Variants in PMS1 observed in about 807,000 individuals in gnomAD.
PMS1 encodes the protein PMS1 homolog 1, mismatch repair system component.
A neutral mutation model predicts 93.1 loss-of-function variants in PMS1; 79 were observed. The ratio of observed to expected loss-of-function variants is 0.85; its 90% CI spans 0.71 to 1.02. The LOEUF (loss-of-function observed/expected upper bound fraction) is 1.02. Among genes scored for constraint, PMS1 ranks in the 50% least tolerant of loss-of-function variants. PMS1 has a pLI of 0.00. For missense variants in PMS1, 1,064 were observed against 1,085.3 expected (o/e 0.98, Z 0.28); for synonymous variants, 335 against 363.4 (o/e 0.92, Z 0.89).
intron 6 of PMS1, among the ~76,000 whole-genome samples, chr2:189,846,491 G>A (rs924305252): frequency 1.3e-5 from 2 of 151,090 alleles, no homozygotes; most frequent in Non-Finnish European, 1.5e-5. Context: ...TCCAGCCTGG[G>A]CAACAGAGCA....
intron 3 of PMS1, among the ~76,000 whole-genome samples, chr2:189,796,878 T>TG (rs5742988): frequency 0.24 from 36,136 of 152,070 alleles, 4,628 homozygotes; most frequent in African/African-American, 0.33. Context: ...TTTACTTCTT[T>TG]GGGGTATATA....
intron 5 of PMS1, among the ~76,000 whole-genome samples, chr2:189,838,631 T>TAA (rs1324938817): frequency 6.6e-6 from 1 of 152,240 alleles, no homozygotes; most frequent in East Asian, 1.9e-4. Context: ...TCGTACCCTT[T>TAA]AGTCTGTCCG....
chr2:189,835,284 AT>A (rs2053287241), intron 5 of PMS1, among the ~76,000 whole-genome samples: 1 of 152,212 alleles, frequency 6.6e-6, no homozygotes, highest in Non-Finnish European at 1.5e-5. Context: ...CAAGACAATC[AT>A]TTTTGAAAGT....
intron 5 of PMS1, 94 bp downstream of exon 5, chr2:189,818,274 T>A: frequency 1.2e-6 from 1 of 821,576 alleles, no homozygotes; most frequent in Non-Finnish European, 2.0e-6. Context: ...TATGACTAAA[T>A]GTTTGTGTGC....
chr2:189,853,855 A>C, intron 7 of PMS1, 84 bp from the exon 8 acceptor site: 1 of 846,786 alleles, frequency 1.2e-6, no homozygotes, highest in South Asian at 1.7e-5. Flanking sequence ...GCATCTACTC[A>C]ATTTCTCAGT....
intron 7 of PMS1, 107 bp from the exon 8 acceptor site, chr2:189,853,832 C>G: frequency 2.8e-6 from 2 of 704,370 alleles, no homozygotes; most frequent in Non-Finnish European, 4.7e-6. Flanking sequence ...AATGCTTTTC[C>G]TAATAAGCAG....
intron 3 of PMS1, among the ~76,000 whole-genome samples, chr2:189,801,229 A>G (rs1270178534): frequency 1.3e-5 from 2 of 152,204 alleles, no homozygotes; most frequent in East Asian, 3.8e-4. Context: ...ATGATCTGTG[A>G]TGAGTATATC....
chr2:189,869,444 G>T (rs978455311), intron 11 of PMS1, among the ~76,000 whole-genome samples: 3 of 152,116 alleles, frequency 2.0e-5, no homozygotes, highest in African/African-American at 7.2e-5. Flanking sequence ...ATGGGTGGGG[G>T]TATATGTGTT....
intron 7 of PMS1, among the ~76,000 whole-genome samples, chr2:189,853,062 G>A (rs1326891582): frequency 6.6e-6 from 1 of 151,724 alleles, no homozygotes; most frequent in Non-Finnish European, 1.5e-5. Flanking sequence ...TTTTGTTTTT[G>A]TTCTTTTGAG....
intron 11 of PMS1, among the ~76,000 whole-genome samples, chr2:189,871,647 T>G (rs2106542597): frequency 6.6e-6 from 1 of 152,326 alleles, no homozygotes; most frequent in East Asian, 1.9e-4. Flanking sequence ...CTTCTGAGCT[T>G]TCAAACTCTT....
intron 4 of PMS1, among the ~76,000 whole-genome samples, chr2:189,810,333 C>G (rs960717061): frequency 3.9e-5 from 6 of 152,130 alleles, no homozygotes; most frequent in African/African-American, 1.4e-4. Context: ...CATTGAAGAC[C>G]TGTGTCACAG....
intron 10 of PMS1, among the ~76,000 whole-genome samples, chr2:189,866,460 G>T (rs2056667315): frequency 6.6e-6 from 1 of 152,120 alleles, no homozygotes; most frequent in African/African-American, 2.4e-5. Context: ...AGTTAATGAT[G>T]TAAGTTTTTC....
chr2:189,787,040 C>T (rs2048412598), intron 1 of PMS1, among the ~76,000 whole-genome samples: 1 of 151,936 alleles, frequency 6.6e-6, no homozygotes, highest in Admixed American at 6.6e-5. Flanking sequence ...GCAACAAGAG[C>T]GAAACCTGAA....
chr2:189,832,586 C>G (rs902762038), intron 5 of PMS1, among the ~76,000 whole-genome samples: 2 of 152,142 alleles, frequency 1.3e-5, no homozygotes, highest in African/African-American at 4.8e-5. Context: ...CTGCCTCAGC[C>G]TCCCGGGTAG....
chr2:189,868,018 G>A, intron 11 of PMS1, 89 bp downstream of exon 11: 1 of 1,143,178 alleles, frequency 8.7e-7, no homozygotes, highest in Non-Finnish European at 1.3e-6. Flanking sequence ...TACAGATATG[G>A]TGGTATATTT....
At chr2:189,876,122 A>T (rs116734544) in intron 12 of PMS1, among the ~76,000 whole-genome samples, 246 of 152,192 alleles carry the variant, frequency 1.6e-3, no homozygotes, top group African/African-American at 5.9e-3. Context: ...TTAAAAAAAA[A>T]TTTCTTAATC....
At chr2:189,867,738 T>C (rs2056785434) in intron 10 of PMS1, 61 bp from the exon 11 acceptor site, 10 of 1,266,778 alleles carry the variant, frequency 7.9e-6, no homozygotes, top group Non-Finnish European at 1.1e-5. Context: ...ATTAACTTTT[T>C]CCCGTAAACC....
At chr2:189,837,329 A>G (rs1488385544) in intron 5 of PMS1, among the ~76,000 whole-genome samples, 7 of 151,800 alleles carry the variant, frequency 4.6e-5, no homozygotes, top group African/African-American at 1.5e-4. Flanking sequence ...GGGTCACACT[A>G]TGTTGCCCAG....
At chr2:189,796,576 A>G (rs1462054626) in intron 3 of PMS1, among the ~76,000 whole-genome samples, 1 of 152,060 alleles carries the variant, frequency 6.6e-6, no homozygotes. Context: ...TTCTGTCTCT[A>G]TGAATTAGAC....
Sources: gnomAD v4.1 joint callset for allele counts (sites outside exome capture counted in the v4.1 genomes callset) on GRCh38, gnomAD v4.1.1 for gene constraint, MANE v1.5 for transcripts, NCBI Gene and HGNC (gene_info 2026-07-23, HGNC 2026-07-21) for gene names.